The following TJP2 variants were observed in gnomAD, a reference collection of about 807,000 sequenced individuals.
The protein encoded by TJP2 is tight junction protein 2.
Under a neutral mutation model 133.1 loss-of-function variants are expected in TJP2, and 91 were observed. That is an observed-to-expected ratio of 0.68 (90% CI 0.58 to 0.81). The LOEUF (loss-of-function observed/expected upper bound fraction) is 0.81. TJP2 is among the 40% of genes least tolerant of loss of function. The pLI is 0.00. For missense variants in TJP2, 1,541 were observed against 1,565.6 expected (o/e 0.98, Z 0.26); for synonymous variants, 592 against 583.4 (o/e 1.01, Z -0.21).
chr9:69,160,677 C>T (rs1318058406), intron 2 of TJP2, among the ~76,000 whole-genome samples: 3 of 152,188 alleles, frequency 2.0e-5, no homozygotes, highest in East Asian at 3.8e-4. Flanking sequence ...TAAAGACATA[C>T]CCAAGGCTGG....
Position 69,123,376 on chromosome 9 carries a change from C to G in TJP2, c.-131+1651C>G, listed in dbSNP as rs1397040000. ...TAATTCAATATTGTGCCACCATCAC[C>G]ACTACCCATTTCCAGAACTTTTTCA... On this transcript the variant is annotated intron_variant, in intron 1 of 5. Transcript: ENST00000423935. Among the ~76,000 whole-genome samples, 3 of 76,330 alleles carry G rather than the reference C, an allele frequency of 3.9e-5. 1 individual carries two copies. The highest frequency in any genetic ancestry group is 9.0e-5 in the Non-Finnish European group (3 of 33,274). The allele number at this position is 76,330 out of a possible 152,430, so 50.1% of individuals were successfully genotyped here.
chr9:69,139,887 C>A (rs1372961129), intron 1 of TJP2, among the ~76,000 whole-genome samples: 1 of 152,130 alleles, frequency 6.6e-6, no homozygotes, highest in Non-Finnish European at 1.5e-5. Flanking sequence ...TCCCCTGGGG[C>A]CTTCCTGGCC....
chr9:69,178,405 A>T (rs1051299784), intron 1 of TJP2, among the ~76,000 whole-genome samples: 2 of 152,236 alleles, frequency 1.3e-5, no homozygotes, highest in Non-Finnish European at 2.9e-5. Context: ...AGTTTGCTTT[A>T]AGAAAAATTA....
In TJP2 at chr9:69,159,607, A is replaced by G. The variant is rs547039513; in HGVS notation, c.-10+7836A>G. Reference sequence around the variant, plus strand: ...AATATGGTAATAGTTGGCTGGGTACAGTGGCTCACGCCTGTAATCCCAGCA... The same window carrying G: ...AATATGGTAATAGTTGGCTGGGTACGGTGGCTCACGCCTGTAATCCCAGCA... On this transcript the variant is annotated intron_variant, in intron 2 of 5. Transcript: ENST00000423935. 1.1e-4 allele frequency among the ~76,000 whole-genome samples: 16 copies of G among 152,014 alleles called. No individual in the cohort carries two copies. In the East Asian group the frequency reaches 3.1e-3, roughly 30 times the overall value.
intron 7 of TJP2, among the ~76,000 whole-genome samples, chr9:69,226,820 G>A (rs1048564936): frequency 6.6e-6 from 1 of 152,180 alleles, no homozygotes; most frequent in South Asian, 2.1e-4. Flanking sequence ...CTTTAAAAGT[G>A]GCTATTAATA....
intron 1 of TJP2, among the ~76,000 whole-genome samples, chr9:69,143,017 T>A (rs936177468): frequency 2.0e-4 from 31 of 152,218 alleles, no homozygotes; most frequent in African/African-American, 7.2e-4. Flanking sequence ...ACCTTATGTA[T>A]AATTATGAGA....
intron 2 of TJP2, among the ~76,000 whole-genome samples, chr9:69,213,647 C>A (rs535755986): frequency 4.8e-4 from 73 of 152,336 alleles, no homozygotes; most frequent in South Asian, 2.3e-3. Flanking sequence ...CCCAGACTTC[C>A]AGATCAGTAA....
chr9:69,124,007 A>G (rs1292928599), intron 1 of TJP2, among the ~76,000 whole-genome samples: 1 of 75,116 alleles, frequency 1.3e-5, no homozygotes, highest in Non-Finnish European at 3.0e-5. Context: ...AGCTGGGACT[A>G]TAGGCACCCG....
chr9:69,121,734 C>T (rs1433107800), intron 1 of TJP2: 1 of 152,124 alleles, frequency 6.6e-6, no homozygotes, highest in Non-Finnish European at 1.5e-5. Context: ...AGGCAAGTAC[C>T]CTCCTCTCTC....
intron 11 of TJP2, 36 bp from the exon 12 acceptor site, chr9:69,234,398 CTTTTT>C (rs202100183): frequency 2.0e-5 from 20 of 982,960 alleles, no homozygotes; most frequent in South Asian, 3.2e-5. Context: ...TTCTTTCTTT[CTTTTT>C]TTTTTTTTTC....
At chr9:69,211,930 A>G (rs1222369480) in intron 1 of TJP2, among the ~76,000 whole-genome samples, 1 of 152,154 alleles carries the variant, frequency 6.6e-6, no homozygotes, top group African/African-American at 2.4e-5. Flanking sequence ...GGCAGCCTGC[A>G]TTTAATGGAT....
At chr9:69,174,162 A>T (rs924652531), upstream of TJP2, 12 of 1,272,714 alleles carry the variant, frequency 9.4e-6, no homozygotes, top group African/African-American at 1.7e-4. Flanking sequence ...CCGGGCGGCC[A>T]GCGCGGAGGC....
intron 1 of TJP2, among the ~76,000 whole-genome samples, chr9:69,192,920 C>CTTTT (rs35014942): frequency 1.9e-5 from 2 of 107,176 alleles, no homozygotes; most frequent in African/African-American, 7.3e-5. Context: ...TTCTCTCTCA[C>CTTTT]TTTTTTTTTT....
At chr9:69,145,795 A>G in intron 1 of TJP2, 1 of 1,232,134 alleles carries the variant, frequency 8.1e-7, no homozygotes, top group East Asian at 3.2e-5. Context: ...AGCAGAAGAC[A>G]CGTGAACCTT....
intron 18 of TJP2, 120 bp downstream of exon 18, chr9:69,246,910 C>G (rs1830968388): frequency 1.1e-6 from 1 of 922,270 alleles, no homozygotes; most frequent in Non-Finnish European, 1.8e-6. Context: ...GTGTGCTAAT[C>G]AAGTTTGAAA....
At chr9:69,127,218 C>T (rs1288458928) in intron 1 of TJP2, among the ~76,000 whole-genome samples, 2 of 72,104 alleles carry the variant, frequency 2.8e-5, no homozygotes, top group East Asian at 4.0e-4. Context: ...TACAGGTGCC[C>T]GCCACCACGC....
At chr9:69,191,014 G>A (rs539242242) in intron 1 of TJP2, among the ~76,000 whole-genome samples, 1 of 152,308 alleles carries the variant, frequency 6.6e-6, no homozygotes, top group Non-Finnish European at 1.5e-5. Flanking sequence ...TCTGCAATCT[G>A]GGAATAGTAG....
intron 11 of TJP2, among the ~76,000 whole-genome samples, chr9:69,234,104 C>T (rs1368426698): frequency 6.6e-6 from 1 of 152,166 alleles, no homozygotes; most frequent in African/African-American, 2.4e-5. Context: ...GTGAGAGACT[C>T]ACAGAAGGGA....
At chr9:69,207,342 A>G (rs1827513128) in intron 1 of TJP2, among the ~76,000 whole-genome samples, 1 of 152,060 alleles carries the variant, frequency 6.6e-6, no homozygotes, top group Non-Finnish European at 1.5e-5. Context: ...TTTTTGCTCA[A>G]CTTTATGTTT....
Sources: allele counts gnomAD v4.1 joint callset (sites outside exome capture counted in the v4.1 genomes callset), GRCh38; gene constraint gnomAD v4.1.1; transcripts MANE v1.5; gene names NCBI Gene and HGNC (gene_info 2026-07-23, HGNC 2026-07-21).